CREB5: variants seen among roughly 807,000 people sequenced by gnomAD.
The protein encoded by CREB5 is cyclic AMP-responsive element-binding protein 5.
In CREB5, 19 loss-of-function variants were observed where a neutral mutation model predicts 57.1. The observed-to-expected ratio is 0.33, with a 90% CI of 0.23 to 0.49. The LOEUF is 0.49. CREB5 is among the 20% of genes least tolerant of loss of function. The pLI is 0.99. For synonymous variants in CREB5, 238 were observed against 238.3 expected, an observed-to-expected ratio of 1.00 and a Z score of 0.01; for missense variants, 579 against 671.6, an observed-to-expected ratio of 0.86 and a Z score of 1.52.
chr7:28,737,539 GTATATATATA>G (rs59294932), intron 7 of CREB5, among the ~76,000 whole-genome samples: 1,835 of 26,470 alleles, frequency 0.069, 44 homozygotes, highest in Non-Finnish European at 0.084. Flanking sequence ...ATATATATAC[GTATATATATA>G]TATATATATA....
chr7:28,715,657 C>T (rs1263104991), intron 5 of CREB5, among the ~76,000 whole-genome samples: 1 of 152,064 alleles, frequency 6.6e-6, no homozygotes, highest in Non-Finnish European at 1.5e-5. Context: ...ATTTAATTTA[C>T]TTTTTTCAGT....
At chr7:28,354,156 G>A (rs1786293853) in intron 1 of CREB5, among the ~76,000 whole-genome samples, 1 of 152,136 alleles carries the variant, frequency 6.6e-6, no homozygotes, top group Non-Finnish European at 1.5e-5. Context: ...AGTATGGAAG[G>A]AAGGCGTGAT....
At chr7:28,744,744 G>A (rs1334504232) in intron 7 of CREB5, among the ~76,000 whole-genome samples, 1 of 152,186 alleles carries the variant, frequency 6.6e-6, no homozygotes, top group African/African-American at 2.4e-5. Context: ...GGTGGGACAT[G>A]GGAGGAACAA....
intron 4 of CREB5, among the ~76,000 whole-genome samples, chr7:28,552,490 A>G (rs75972200): frequency 0.025 from 3,822 of 152,278 alleles, 135 homozygotes; most frequent in African/African-American, 0.083. Context: ...TAACTGTGAG[A>G]GAAGGGTACA....
At chr7:28,751,212 A>T (rs1381967052) in intron 7 of CREB5, among the ~76,000 whole-genome samples, 1 of 149,066 alleles carries the variant, frequency 6.7e-6, no homozygotes, top group East Asian at 2.0e-4. Context: ...GGGTGGGGGG[A>T]CACTGTGGAG....
intron 5 of CREB5, among the ~76,000 whole-genome samples, chr7:28,702,302 A>C (rs1440808413): frequency 6.6e-6 from 1 of 152,252 alleles, no homozygotes; most frequent in Non-Finnish European, 1.5e-5. Context: ...GAAAGCACTT[A>C]ACTTTCGTAA....
intron 1 of CREB5, among the ~76,000 whole-genome samples, chr7:28,466,210 TA>T (rs5883134): frequency 0.43 from 40,785 of 94,794 alleles, 7,162 homozygotes; most frequent in East Asian, 0.52. Context: ...TGACTGGAGT[TA>T]AAAAAAAAAA....
chr7:28,689,083 C>T (rs866826196), intron 5 of CREB5, among the ~76,000 whole-genome samples: 16 of 152,142 alleles, frequency 1.1e-4, no homozygotes, highest in African/African-American at 3.4e-4. Context: ...CACTGTTTGA[C>T]GACTATTTTG....
At chr7:28,677,818 CAG>C (rs1182015334) in intron 5 of CREB5, among the ~76,000 whole-genome samples, 1 of 152,020 alleles carries the variant, frequency 6.6e-6, no homozygotes, top group Non-Finnish European at 1.5e-5. Context: ...TTTGAGGCTA[CAG>C]AGAGCTATGA....
intron 4 of CREB5, among the ~76,000 whole-genome samples, chr7:28,525,865 A>G (rs1793425271): frequency 6.6e-6 from 1 of 152,204 alleles, no homozygotes; most frequent in Non-Finnish European, 1.5e-5. Flanking sequence ...GTAAAATGGC[A>G]ATAATAATTA....
At chr7:28,581,538 G>A (rs770751750) in intron 5 of CREB5, among the ~76,000 whole-genome samples, 5 of 152,134 alleles carry the variant, frequency 3.3e-5, no homozygotes, top group African/African-American at 9.7e-5. Flanking sequence ...AATCACAAAC[G>A]CCCTCAAGTA....
intron 5 of CREB5, among the ~76,000 whole-genome samples, chr7:28,653,546 C>T (rs1044719338): frequency 6.6e-6 from 1 of 152,182 alleles, no homozygotes; most frequent in Non-Finnish European, 1.5e-5. Flanking sequence ...ACCAAGAGAG[C>T]ATGCTGGACA....
rs1220764335 is a variant in CREB5, at chr7:28,574,417, CTT to C, written c.464+3882_464+3883del. On this transcript the variant is annotated intron_variant, in intron 5 of 10. Coordinates refer to ENST00000357727, the MANE Select transcript of CREB5 (RefSeq NM_182898.4). ...GGAAGTTAACACACTCTCTCTGTCT[CTT>C]TGTTTCTTATCATCTAAGACATTTT... 3.9e-5 allele frequency among the ~76,000 whole-genome samples: 6 copies of C among 152,170 alleles called. No individual in the cohort carries two copies. In the East Asian group the frequency reaches 1.2e-3, roughly 29 times the overall value.
chr7:28,673,800 A>G (rs1273743534), intron 5 of CREB5, among the ~76,000 whole-genome samples: 6 of 151,164 alleles, frequency 4.0e-5, no homozygotes, highest in African/African-American at 1.2e-4. Flanking sequence ...CAGCCTCCCA[A>G]GTAGCTGAGA....
At chr7:28,461,843 G>A (rs1790361686) in intron 1 of CREB5, among the ~76,000 whole-genome samples, 1 of 152,052 alleles carries the variant, frequency 6.6e-6, no homozygotes, top group African/African-American at 2.4e-5. Context: ...GGAGTACAAT[G>A]TAGAGAGCCC....
At chr7:28,331,536 T>C (rs1265005922) in intron 1 of CREB5, among the ~76,000 whole-genome samples, 3 of 152,184 alleles carry the variant, frequency 2.0e-5, no homozygotes, top group African/African-American at 7.2e-5. Context: ...TGTATGGGGA[T>C]GCCAGCATAC....
At chr7:28,562,188 A>G (rs958176593) in intron 4 of CREB5, among the ~76,000 whole-genome samples, 1 of 152,214 alleles carries the variant, frequency 6.6e-6, no homozygotes, top group Non-Finnish European at 1.5e-5. Flanking sequence ...CCATATGATT[A>G]TATTTAGCAA....
At chr7:28,722,807 C>G (rs1158053927) in intron 6 of CREB5, among the ~76,000 whole-genome samples, 1 of 152,218 alleles carries the variant, frequency 6.6e-6, no homozygotes, top group African/African-American at 2.4e-5. Context: ...TAAGGTAAGA[C>G]TGATGGCTCT....
intron 1 of CREB5, among the ~76,000 whole-genome samples, chr7:28,335,821 T>C (rs1352201337): frequency 6.6e-6 from 1 of 152,164 alleles, no homozygotes; most frequent in Non-Finnish European, 1.5e-5. Flanking sequence ...TCATTCAGTA[T>C]GATACTAGTT....
Sources: allele counts gnomAD v4.1 joint callset (sites outside exome capture counted in the v4.1 genomes callset), GRCh38; gene constraint gnomAD v4.1.1; transcripts MANE v1.5; gene names NCBI Gene and HGNC (gene_info 2026-07-23, HGNC 2026-07-21).